The following CLSTN2 variants were observed in gnomAD, a reference collection of about 807,000 sequenced individuals.
CLSTN2 encodes calsyntenin-2.
Under a neutral mutation model 101.2 loss-of-function variants are expected in CLSTN2, and 48 were observed. That is an observed-to-expected ratio of 0.47 (90% confidence interval 0.38 to 0.60). The LOEUF (loss-of-function observed/expected upper bound fraction) is 0.60. Among genes scored for constraint, CLSTN2 ranks in the 20% least tolerant of loss-of-function variants. CLSTN2 has a pLI of 0.00. For missense variants in CLSTN2, 1,160 were observed against 1,238.2 expected, an observed-to-expected ratio of 0.94 and a Z score of 0.95; for synonymous variants, 481 against 463.6, an observed-to-expected ratio of 1.04 and a Z score of -0.48.
At chr3:139,975,674 T>C (rs1265912655) in intron 1 of CLSTN2, among the ~76,000 whole-genome samples, 3 of 152,152 alleles carry the variant, frequency 2.0e-5, no homozygotes, top group African/African-American at 7.2e-5. Flanking sequence ...AGGGACTGTG[T>C]TCTGGTCGTA....
At chr3:140,285,624 C>A (rs1182108999) in intron 2 of CLSTN2, among the ~76,000 whole-genome samples, 3 of 152,194 alleles carry the variant, frequency 2.0e-5, no homozygotes, top group Non-Finnish European at 4.4e-5. Context: ...CACAGATTGC[C>A]AATTGCCCTC....
chr3:140,162,456 G>T (rs2010064056), intron 1 of CLSTN2, among the ~76,000 whole-genome samples: 1 of 152,158 alleles, frequency 6.6e-6, no homozygotes, highest in Non-Finnish European at 1.5e-5. Context: ...GAGTAGAGGA[G>T]TGTCAGAGCC....
intron 8 of CLSTN2, among the ~76,000 whole-genome samples, chr3:140,467,046 C>T (rs1933724991): frequency 1.3e-5 from 2 of 152,178 alleles, no homozygotes; most frequent in African/African-American, 4.8e-5. Flanking sequence ...GGCCCAGTTA[C>T]GATCTCTGTT....
intron 2 of CLSTN2, among the ~76,000 whole-genome samples, chr3:140,306,278 G>A (rs948663725): frequency 2.6e-5 from 4 of 152,096 alleles, no homozygotes; most frequent in Non-Finnish European, 4.4e-5. Flanking sequence ...CCAATGAATC[G>A]CATGCCATGA....
chr3:140,030,028 G>A (rs1457840444), intron 1 of CLSTN2, among the ~76,000 whole-genome samples: 4 of 152,140 alleles, frequency 2.6e-5, no homozygotes, highest in Non-Finnish European at 5.9e-5. Context: ...TTGGTCCTTT[G>A]CTTTTGTTCA....
At chr3:140,525,095 C>T (rs1333377419) in intron 8 of CLSTN2, among the ~76,000 whole-genome samples, 1 of 152,112 alleles carries the variant, frequency 6.6e-6, no homozygotes, top group Non-Finnish European at 1.5e-5. Context: ...AAATAACTAA[C>T]ATCAGAGGAG....
chr3:140,434,746 G>T (rs564176898), intron 5 of CLSTN2, among the ~76,000 whole-genome samples: 1 of 152,186 alleles, frequency 6.6e-6, no homozygotes, highest in African/African-American at 2.4e-5. Context: ...TTCTGTCAAC[G>T]TTGTGGCTGT....
chr3:139,936,636 A>G (rs1008905998), intron 1 of CLSTN2, among the ~76,000 whole-genome samples: 7 of 152,152 alleles, frequency 4.6e-5, no homozygotes, highest in Non-Finnish European at 8.8e-5. Context: ...CTTGACCACT[A>G]GCTTAGGGGA....
intron 1 of CLSTN2, among the ~76,000 whole-genome samples, chr3:140,063,540 T>C (rs1446591750): frequency 6.6e-6 from 1 of 152,152 alleles, no homozygotes; most frequent in Non-Finnish European, 1.5e-5. Context: ...GCAGGTAAAG[T>C]CATCCTTATC....
At chr3:140,317,460 T>A (rs1391363965) in intron 2 of CLSTN2, among the ~76,000 whole-genome samples, 1 of 152,092 alleles carries the variant, frequency 6.6e-6, no homozygotes, top group Non-Finnish European at 1.5e-5. Context: ...TTAGCTGCAG[T>A]CCACTGGAGG....
intron 2 of CLSTN2, among the ~76,000 whole-genome samples, chr3:140,335,395 G>A (rs944034474): frequency 1.3e-5 from 2 of 152,062 alleles, no homozygotes; most frequent in Non-Finnish European, 2.9e-5. Context: ...GCAGGCAGCA[G>A]GTAGGGAAGT....
intron 1 of CLSTN2, among the ~76,000 whole-genome samples, chr3:140,087,601 A>G (rs1045148629): frequency 6.6e-6 from 1 of 152,198 alleles, no homozygotes; most frequent in Non-Finnish European, 1.5e-5. Context: ...TGGAGTAAAA[A>G]AGATAGACTG....
At chr3:139,997,264 G>A (rs2006687758) in intron 1 of CLSTN2, among the ~76,000 whole-genome samples, 1 of 152,014 alleles carries the variant, frequency 6.6e-6, no homozygotes, top group Non-Finnish European at 1.5e-5. Flanking sequence ...ATGAATAAAA[G>A]TTTTTAATTT....
At chr3:140,400,679 A>G (rs1466028444) in intron 2 of CLSTN2, among the ~76,000 whole-genome samples, 1 of 152,110 alleles carries the variant, frequency 6.6e-6, no homozygotes, top group East Asian at 1.9e-4. Context: ...AGCCTGGGTG[A>G]CAAACCAAGA....
At chr3:140,369,073 G>T (rs866531118) in intron 2 of CLSTN2, among the ~76,000 whole-genome samples, 3 of 152,100 alleles carry the variant, frequency 2.0e-5, no homozygotes, top group Admixed American at 6.5e-5. Context: ...GATGAGACTT[G>T]CCAGCTTTTT....
chr3:140,315,212 A>C (rs1371155627), intron 2 of CLSTN2, among the ~76,000 whole-genome samples: 1 of 152,192 alleles, frequency 6.6e-6, no homozygotes, highest in African/African-American at 2.4e-5. Context: ...TGTGGAAGTG[A>C]TCTATGACCT....
chr3:140,215,174 A>G (rs1442779315), intron 2 of CLSTN2, among the ~76,000 whole-genome samples: 1 of 152,000 alleles, frequency 6.6e-6, no homozygotes, highest in Non-Finnish European at 1.5e-5. Context: ...TCTCCTCTTC[A>G]TCTTCTTGCC....
chr3:140,200,078 AAG>A (rs2010698851), intron 2 of CLSTN2, among the ~76,000 whole-genome samples: 1 of 152,074 alleles, frequency 6.6e-6, no homozygotes, highest in Non-Finnish European at 1.5e-5. Flanking sequence ...GTTCAGATTT[AAG>A]AGTCTGTATT....
At chr3:140,532,291 A>G (rs1700566375) in intron 8 of CLSTN2, 33 bp from the exon 9 acceptor site, 2 of 1,558,328 alleles carry the variant, frequency 1.3e-6, no homozygotes, top group Admixed American at 1.8e-5. Context: ...TACATATTCA[A>G]TTTTAAATGT....
Sources: allele counts gnomAD v4.1 joint callset (sites outside exome capture counted in the v4.1 genomes callset), GRCh38; gene constraint gnomAD v4.1.1; transcripts MANE v1.5; gene names NCBI Gene and HGNC (gene_info 2026-07-23, HGNC 2026-07-21).